Variants in MRE11 observed in about 807,000 individuals in gnomAD.
MRE11 encodes the protein MRE11 double strand break repair nuclease, also known as double-strand break repair protein MRE11.
In MRE11, 62 loss-of-function variants were observed where a neutral mutation model predicts 91.7. That is an observed-to-expected ratio of 0.68 (90% CI 0.55 to 0.84). The LOEUF is 0.84. Ranked by LOEUF, MRE11 falls within the 40% of genes least tolerant of loss-of-function variation. MRE11 has a pLI of 0.00. For synonymous variants in MRE11, 273 were observed against 271.4 expected (o/e 1.01, Z -0.06); for missense variants, 796 against 852.9 (o/e 0.93, Z 0.83).
chr11:94,437,135 A>G (rs755169289), intron 17 of MRE11, 42 bp downstream of exon 17: 5 of 1,518,538 alleles, frequency 3.3e-6, no homozygotes, highest in Non-Finnish European at 4.5e-6. Flanking sequence ...AATGCAGAAA[A>G]CATAAATTAT....
chr11:94,485,684 G>C (rs960699028), intron 4 of MRE11, among the ~76,000 whole-genome samples: 4 of 149,784 alleles, frequency 2.7e-5, no homozygotes, highest in African/African-American at 4.9e-5. Flanking sequence ...TTGGCTCACT[G>C]CAACCTCTGC....
At chr11:94,433,650 A>T (rs1565204499) in intron 18 of MRE11, among the ~76,000 whole-genome samples, 2 of 152,156 alleles carry the variant, frequency 1.3e-5, no homozygotes, top group South Asian at 4.1e-4. Context: ...AAGATCTTTC[A>T]CTTGGCTCTT....
chr11:94,453,234 GACCA>G (rs150576921), intron 14 of MRE11, among the ~76,000 whole-genome samples: 2,595 of 152,084 alleles, frequency 0.017, 83 homozygotes, highest in African/African-American at 0.06. Flanking sequence ...ATCTGTTGAT[GACCA>G]ACTGGGTTGT....
chr11:94,461,439 T>A (rs888092376), intron 11 of MRE11, among the ~76,000 whole-genome samples: 13 of 152,298 alleles, frequency 8.5e-5, no homozygotes, highest in African/African-American at 3.1e-4. Flanking sequence ...CCTTGTGACG[T>A]CAAGGTAGTT....
intron 14 of MRE11, among the ~76,000 whole-genome samples, chr11:94,451,924 G>A (rs1359417182): frequency 1.3e-5 from 2 of 151,648 alleles, no homozygotes; most frequent in African/African-American, 4.8e-5. Context: ...ACCAATACCC[G>A]GCCAGGCGCG....
At chr11:94,438,206 C>T (rs941869710) in intron 16 of MRE11, among the ~76,000 whole-genome samples, 1 of 152,154 alleles carries the variant, frequency 6.6e-6, no homozygotes, top group Non-Finnish European at 1.5e-5. Flanking sequence ...TTCTCCTATG[C>T]CTTACCAGTT....
Position 94,476,371 on chromosome 11 carries a change from A to T in MRE11, c.577T>A (p.Phe193Ile). ...AACATTGTTACTTTTTTATTGACAA[A>T]CATTCGATAGAGCCTTTCATCTGGA... is the stretch of plus-strand genomic sequence containing the variant. ...SIPDERLYRM[F>I]VNKKVTMLRP... is the part of the protein sequence containing the mutation. Residue 193 changes from phenylalanine (F) to isoleucine (I), a missense_variant, in exon 7 of 20, where the codon TTT (phenylalanine) becomes ATT (isoleucine). Coordinates refer to ENST00000323929, the MANE Select transcript of MRE11 (RefSeq NM_005591.4). 1 of 1,612,558 alleles carries T rather than the reference A, an allele frequency of 6.2e-7. No homozygotes were observed. The highest frequency in any genetic ancestry group is 8.5e-7 in the Non-Finnish European group (1 of 1,178,860).
chr11:94,429,255 G>A (rs1447204697), intron 19 of MRE11, among the ~76,000 whole-genome samples: 1 of 152,172 alleles, frequency 6.6e-6, no homozygotes, highest in Non-Finnish European at 1.5e-5. Flanking sequence ...AATTCATTCA[G>A]CCATTATAAG....
intron 12 of MRE11, 86 bp downstream of exon 12, chr11:94,460,850 T>A: frequency 9.0e-7 from 1 of 1,106,824 alleles, no homozygotes. Flanking sequence ...ATTCATTTTG[T>A]TTAAACTATC....
At chr11:94,446,931 A>G (rs1243884371) in intron 15 of MRE11, among the ~76,000 whole-genome samples, 1 of 152,210 alleles carries the variant, frequency 6.6e-6, no homozygotes, top group Non-Finnish European at 1.5e-5. Flanking sequence ...TACATATGAC[A>G]TTAAATGTAT....
chr11:94,435,366 G>A (rs1945576879), intron 18 of MRE11, among the ~76,000 whole-genome samples: 1 of 151,962 alleles, frequency 6.6e-6, no homozygotes, highest in African/African-American at 2.4e-5. Flanking sequence ...ACCAGCTTGG[G>A]CAACATGGCA....
the MRE11 span, among the ~76,000 whole-genome samples, chr11:94,500,660 T>C: frequency 6.6e-6 from 1 of 152,222 alleles, no homozygotes; most frequent in Non-Finnish European, 1.5e-5. Flanking sequence ...TGTTCAAGAT[T>C]CATAGCGTCA....
At chr11:94,493,234 G>A (rs1336338282) in intron 1 of MRE11, among the ~76,000 whole-genome samples, 1 of 152,066 alleles carries the variant, frequency 6.6e-6, no homozygotes, top group East Asian at 1.9e-4. Flanking sequence ...AACAACTCTA[G>A]ATGTGCAGAT....
the MRE11 span, among the ~76,000 whole-genome samples, chr11:94,504,706 C>T: frequency 2.4e-4 from 36 of 152,244 alleles, 2 homozygotes; most frequent in East Asian, 6.8e-3. Flanking sequence ...ATAAGACAAA[C>T]TGAGATGATT....
At chr11:94,456,038 A>T (rs1481468480) in intron 14 of MRE11, among the ~76,000 whole-genome samples, 1 of 152,136 alleles carries the variant, frequency 6.6e-6, no homozygotes, top group Non-Finnish European at 1.5e-5. Context: ...CCAAGACTAC[A>T]GGTGTGAGTC....
At chr11:94,493,242 G>C (rs1947339929) in intron 1 of MRE11, among the ~76,000 whole-genome samples, 1 of 152,118 alleles carries the variant, frequency 6.6e-6, no homozygotes, top group South Asian at 2.1e-4. Flanking sequence ...TAGATGTGCA[G>C]ATATTTTTAA....
At chr11:94,494,273 T>A (rs748778178), upstream of MRE11, 5 of 152,214 alleles carry the variant, frequency 3.3e-5, no homozygotes, top group Non-Finnish European at 5.9e-5. Context: ...CGGAGCTGGA[T>A]CCCCTCTCCC....
At chr11:94,499,954 AT>A in the MRE11 span, among the ~76,000 whole-genome samples, 2 of 152,214 alleles carry the variant, frequency 1.3e-5, no homozygotes, top group East Asian at 1.9e-4. Context: ...GTCAGAGATA[AT>A]ATATGAACTG....
At chr11:94,447,587 G>C in intron 14 of MRE11, 149 bp from the exon 15 acceptor site, 1 of 797,432 alleles carries the variant, frequency 1.3e-6, no homozygotes, top group Non-Finnish European at 2.1e-6. Context: ...TCAGCACTTT[G>C]GGAGGCCGAG....
Sources: gnomAD v4.1 joint callset for allele counts (sites outside exome capture counted in the v4.1 genomes callset) on GRCh38, gnomAD v4.1.1 for gene constraint, MANE v1.5 for transcripts, NCBI Gene and HGNC (gene_info 2026-07-23, HGNC 2026-07-21) for gene names.